The following MMP15 variants were observed in gnomAD, a reference collection of about 807,000 sequenced individuals.
MMP15 encodes matrix metallopeptidase 15, also known as matrix metalloproteinase-15.
A neutral mutation model predicts 65.0 loss-of-function variants in MMP15; 36 were observed. The observed-to-expected ratio is 0.55, with a 90% CI of 0.42 to 0.73. MMP15 has a LOEUF of 0.73. Among genes scored for constraint, MMP15 ranks in the 30% least tolerant of loss-of-function variants. The probability of loss-of-function intolerance (pLI) is 0.00; values close to 1 mark genes in which losing one functional copy is unlikely to be tolerated. For synonymous variants in MMP15, 428 were observed against 410.2 expected, an observed-to-expected ratio of 1.04 and a Z score of -0.52; for missense variants, 870 against 987.8, an observed-to-expected ratio of 0.88 and a Z score of 1.60.
rs563304189 is a variant in MMP15 at position 58,045,189 on chromosome 16, C to G, written c.1753C>G (p.Pro585Ala). The change falls in exon 10 of 10, where the codon CCC becomes GCC. Residue 585 changes from proline to alanine, a missense_variant. Coordinates refer to ENST00000219271, the MANE Select transcript of MMP15 (RefSeq NM_002428.4). Reference protein sequence around the residue: ...PPFNPHGGAEPGADSAEGDVG... With the variant: ...PPFNPHGGAEAGADSAEGDVG... ...CTTCAACCCCCACGGGGGTGCAGAG[C>G]CCGGGGCGGACAGCGCAGAGGGCGA... 331 of 1,592,252 alleles carry G rather than the reference C, an allele frequency of 2.1e-4. 1 individual carries two copies. The African/African-American group carries it at 4.0e-3, about 19-fold the overall frequency.
chr16:58,040,316 A>G (rs1959426031), intron 4 of MMP15, 134 bp downstream of exon 4: 1 of 1,054,604 alleles, frequency 9.5e-7, no homozygotes, highest in Non-Finnish European at 1.3e-6. Flanking sequence ...AGATCACTAC[A>G]CTCAATTTCA....
intron 9 of MMP15, 76 bp downstream of exon 9, chr16:58,043,703 C>A: frequency 9.2e-7 from 1 of 1,081,624 alleles, no homozygotes. Context: ...AGGGCTTGCC[C>A]AAGGTCACCC....
chr16:58,042,442 AGAG>A, intron 7 of MMP15, 73 bp downstream of exon 7: 3 of 1,572,002 alleles, frequency 1.9e-6, no homozygotes, highest in East Asian at 2.3e-5. Context: ...ATCTGAGAGA[AGAG>A]GAGGTGAAGG....
Position 58,041,773 on chromosome 16 carries a change from C to T in MMP15, c.1067C>T (p.Pro356Leu). 1 of 1,609,386 alleles carries T rather than the reference C, an allele frequency of 6.2e-7. No individual in the cohort carries two copies. The highest frequency in any genetic ancestry group is 8.5e-7 in the Non-Finnish European group (1 of 1,177,960). The change falls in exon 6 of 10, where the codon CCC becomes CTC. Residue 356 changes from proline (P) to leucine (L), a missense_variant. Transcript: ENST00000219271. ...RPPKPGPPVQPRATERPDQYG... is the reference protein window; with the variant it reads ...RPPKPGPPVQLRATERPDQYG... ...CCAAAGCCGGGCCCCCCAGTCCAGC[C>T]CCGAGCCACAGAGCGGCCCGACCAG...
chr16:58,036,940 G>A (rs1055848560), intron 1 of MMP15, among the ~76,000 whole-genome samples: 1 of 152,238 alleles, frequency 6.6e-6, no homozygotes, highest in African/African-American at 2.4e-5. Flanking sequence ...TGGGTGATAA[G>A]CATGGGAGGA....
At chr16:58,035,496 C>CT (rs1420877569) in intron 1 of MMP15, among the ~76,000 whole-genome samples, 1 of 152,256 alleles carries the variant, frequency 6.6e-6, no homozygotes, top group Admixed American at 6.5e-5. Flanking sequence ...CCTCTGGTCT[C>CT]TGTCATTTGC....
chr16:58,041,158 G>A (rs1010892691), intron 5 of MMP15, among the ~76,000 whole-genome samples: 5 of 152,160 alleles, frequency 3.3e-5, no homozygotes, highest in African/African-American at 1.2e-4. Context: ...GTCTCCAGCA[G>A]TGAGGTCCCC....
At chr16:58,039,470 A>C (rs1011738064) in intron 3 of MMP15, among the ~76,000 whole-genome samples, 2 of 152,222 alleles carry the variant, frequency 1.3e-5, no homozygotes, top group African/African-American at 4.8e-5. Context: ...TCAGAGAGTC[A>C]CTTACCCAAG....
intron 9 of MMP15, among the ~76,000 whole-genome samples, chr16:58,044,403 C>T (rs933414788): frequency 7.9e-5 from 12 of 152,196 alleles, no homozygotes; most frequent in South Asian, 2.1e-4. Context: ...GCTGTGATCG[C>T]GCCACTATAC....
Position 58,042,427 on chromosome 16 carries a change from G to A in MMP15, c.1303+58G>A, listed in dbSNP as rs555906776. 4.4e-6 allele frequency: 7 copies of A among 1,589,572 alleles called. No individual in the cohort carries two copies. In the East Asian group the frequency reaches 1.6e-4, roughly 36 times the overall value. On this transcript the variant is annotated intron_variant, in intron 7 of 9. Coordinates refer to ENST00000219271, the MANE Select transcript of MMP15 (RefSeq NM_002428.4). Reference sequence around the variant, plus strand: ...GCCTCCTGCCATGACCTCTGACCCTGCTGGATCTGAGAGAAGAGGAGGTGA... The same window carrying A: ...GCCTCCTGCCATGACCTCTGACCCTACTGGATCTGAGAGAAGAGGAGGTGA...
rs752690065 is a variant in MMP15 at position 58,043,633 on chromosome 16, T to C, written c.1570+6T>C. On this transcript the variant is annotated splice_donor_region_variant and intron_variant, in intron 9 of 9. Coordinates refer to ENST00000219271, the MANE Select transcript of MMP15 (RefSeq NM_002428.4). ...CTTCCTGAGCAATGACGCAGGTACC[T>C]GGCCAGCCCCTCCCAGTTTGCCCAG... 1.1e-5 allele frequency: 17 copies of C among 1,598,626 alleles called. No individual in the cohort carries two copies. The Admixed American group carries it at 2.8e-4, about 27-fold the overall frequency.
intron 1 of MMP15, among the ~76,000 whole-genome samples, chr16:58,031,901 CT>C (rs1445538066): frequency 9.3e-6 from 1 of 107,870 alleles, no homozygotes; most frequent in African/African-American, 3.6e-5. Context: ...GAGTCTCGCT[CT>C]TGTGGCCCAG....
At chr16:58,029,241 A>G (rs1963864802) in intron 1 of MMP15, among the ~76,000 whole-genome samples, 1 of 152,206 alleles carries the variant, frequency 6.6e-6, no homozygotes, top group Non-Finnish European at 1.5e-5. Context: ...TTTGACCTTC[A>G]GGTGAGCCAC....
In MMP15 at chr16:58,041,850, G is replaced by T. The variant is rs763672023; in HGVS notation, c.1144G>T (p.Gly382Trp). 11 of 1,599,044 alleles carry T rather than the reference G, an allele frequency of 6.9e-6. No homozygotes were observed. Among genetic ancestry groups the T allele is most frequent in the Non-Finnish European group, 9.4e-6 (11 of 1,173,860 alleles). Reference protein sequence around the residue: ...GDFDTVAMLRGEMFVFKGRWF... With the variant: ...GDFDTVAMLRWEMFVFKGRWF... ...CTTTGACACAGTGGCCATGCTTCGC[G>T]GGGAGATGTTCGTGTTCAAGGTCTG... The change falls in exon 6 of 10, where the codon GGG becomes TGG. Residue 382 changes from glycine (G) to tryptophan (W), a missense_variant. Physicochemically the swap from Gly to Trp is radical, Grantham distance 184. Coordinates refer to ENST00000219271, the MANE Select transcript of MMP15 (RefSeq NM_002428.4).
rs1336876908 is a variant in MMP15 at position 58,038,279 on chromosome 16, C to T, written c.325C>T (p.Pro109Ser). The T allele has an allele frequency of 1.9e-6, 3 of 1,613,890 alleles. No individual in the cohort carries two copies. In the South Asian group the frequency reaches 3.3e-5, roughly 18 times the overall value. The change falls in exon 3 of 10, where the codon CCC becomes TCC. Residue 109 changes from proline (P) to serine (S), a missense_variant. Physicochemically the swap from Pro to Ser is moderately conservative, Grantham distance 74. Coordinates refer to ENST00000219271, the MANE Select transcript of MMP15 (RefSeq NM_002428.4). Reference sequence around the variant, plus strand: ...TCCATGTCCCAGGTGGATGAAGCGGCCCCGCTGTGGGGTGCCAGACCAGTT... The same window carrying T: ...TCCATGTCCCAGGTGGATGAAGCGGTCCCGCTGTGGGGTGCCAGACCAGTT... ...DEETKEWMKR[P>S]RCGVPDQFGV...
In MMP15 at chr16:58,045,344, G is replaced by T. The variant is rs1188795105; in HGVS notation, c.1908G>T (p.Leu636=). 1 of 1,604,672 alleles carries T rather than the reference G, an allele frequency of 6.2e-7. No homozygotes were observed. Among genetic ancestry groups the T allele is most frequent in the East Asian group, 2.2e-5 (1 of 44,572 alleles). The change falls in exon 10 of 10, where the codon CTG becomes CTT. Residue 636 remains leucine, a synonymous_variant. Coordinates refer to ENST00000219271, the MANE Select transcript of MMP15 (RefSeq NM_002428.4). ...VVMVLVPLLL[L]LCVLGLTYAL... ...TGGTGCTGGTGCCACTGCTGCTGCT[G>T]CTCTGCGTCCTGGGCCTCACCTACG...
chr16:58,040,994 GACC>G (rs1293731252), intron 5 of MMP15: 1 of 484,114 alleles, frequency 2.1e-6, no homozygotes, highest in African/African-American at 2.0e-5. Flanking sequence ...ATTCTTACTA[GACC>G]ACAAGTGCCT....
Position 58,040,129 on chromosome 16 carries a change from A to G in MMP15, c.695A>G (p.Asp232Gly), listed in dbSNP as rs1959421185. The G allele has an allele frequency of 6.2e-7, 1 of 1,613,344 alleles. No homozygotes were observed. Among genetic ancestry groups the G allele is most frequent in the Non-Finnish European group, 8.5e-7 (1 of 1,180,018 alleles). Residue 232 changes from aspartate to glycine, a missense_variant, in exon 4 of 10, where the codon GAC becomes GGC. Coordinates refer to ENST00000219271, the MANE Select transcript of MMP15 (RefSeq NM_002428.4). ...AYFPGPGLGG[D>G]THFDADEPWT... is the part of the protein sequence containing the mutation. ...TTCCCTGGCCCCGGCCTAGGCGGGG[A>G]CACCCATTTTGACGCAGATGAGCCC...
In MMP15 at chr16:58,044,661, G is replaced by A. The variant is rs1036711618; in HGVS notation, c.1571-346G>A. On this transcript the variant is annotated intron_variant, in intron 9 of 9. Coordinates refer to ENST00000219271, the MANE Select transcript of MMP15 (RefSeq NM_002428.4). ...ACTGCGGGGTGCTGTGTGGCCTTGAGCAAGACCCCAAACCTCTGTGGTGTG... is the reference window on the plus strand; with the variant it reads ...ACTGCGGGGTGCTGTGTGGCCTTGAACAAGACCCCAAACCTCTGTGGTGTG... Among the ~76,000 whole-genome samples the A allele has an allele frequency of 4.6e-5, 7 of 152,224 alleles. No homozygotes were observed. In the East Asian group the frequency reaches 1.3e-3, roughly 29 times the overall value.
Sources: gnomAD v4.1 joint callset for allele counts (sites outside exome capture counted in the v4.1 genomes callset) on GRCh38, gnomAD v4.1.1 for gene constraint, MANE v1.5 for transcripts, NCBI Gene and HGNC (gene_info 2026-07-23, HGNC 2026-07-21) for gene names.